TEX9: variants seen among roughly 807,000 people sequenced by gnomAD.
TEX9 encodes the protein testis-expressed protein 9.
TEX9 carries 74 observed loss-of-function variants against 59.6 expected under a neutral mutation model. The ratio of observed to expected loss-of-function variants is 1.24; its 90% confidence interval spans 1.03 to 1.51. The LOEUF (loss-of-function observed/expected upper bound fraction) is 1.51. TEX9 is among the 40% of genes most tolerant of loss of function. The pLI, the probability that TEX9 is intolerant of heterozygous loss-of-function variation, is 0.00. For missense variants in TEX9, 522 were observed against 447.8 expected (o/e 1.17, Z -1.49); for synonymous variants, 186 against 152.2 (o/e 1.22, Z -1.64).
intron 1 of TEX9, among the ~76,000 whole-genome samples, chr15:56,322,953 A>G (rs913437776): frequency 1.3e-5 from 2 of 152,052 alleles, no homozygotes; most frequent in Non-Finnish European, 2.9e-5. Flanking sequence ...GGAGGAGAAG[A>G]AGGAGGAGGA....
At chr15:56,415,591 C>T (rs138471261) in intron 10 of TEX9, among the ~76,000 whole-genome samples, 31 of 151,838 alleles carry the variant, frequency 2.0e-4, no homozygotes, top group Non-Finnish European at 4.0e-4. Flanking sequence ...GTCTATGTGC[C>T]TGTTTTTGTA....
intron 1 of TEX9, among the ~76,000 whole-genome samples, chr15:56,301,564 A>C (rs79593700): frequency 6.6e-6 from 1 of 152,096 alleles, no homozygotes; most frequent in African/African-American, 2.4e-5. Context: ...AATGAAGAAC[A>C]TAAAAAAGAG....
chr15:56,408,713 G>GATGT (rs1555444525), intron 9 of TEX9: 3 of 151,996 alleles, frequency 2.0e-5, no homozygotes, highest in African/African-American at 7.3e-5. Context: ...GAGTCATCTT[G>GATGT]ATCTGTTTTC....
At chr15:56,296,592 A>G (rs2045224074) in intron 1 of TEX9, among the ~76,000 whole-genome samples, 1 of 152,228 alleles carries the variant, frequency 6.6e-6, no homozygotes, top group Admixed American at 6.5e-5. Context: ...ATTGCTAGCC[A>G]AAGGTTTCAC....
intron 9 of TEX9, among the ~76,000 whole-genome samples, chr15:56,408,262 C>T (rs2049174202): frequency 6.6e-6 from 1 of 152,186 alleles, no homozygotes; most frequent in Non-Finnish European, 1.5e-5. Flanking sequence ...CACCAATAAT[C>T]CACACTGTAG....
upstream of TEX9, among the ~76,000 whole-genome samples, chr15:56,360,827 G>A (rs1342841366): frequency 6.6e-6 from 1 of 152,108 alleles, no homozygotes; most frequent in Non-Finnish European, 1.5e-5. Flanking sequence ...GATAATTAAG[G>A]ACAACCTTTA....
chr15:56,439,078 G>A lies in TEX9; in HGVS notation c.*30-6593G>A, dbSNP rs559294479. On this transcript the variant is annotated intron_variant, in intron 12 of 12. Transcript: ENST00000352903. ...GGAAAAAAAATCCTACAGCTAACAA[G>A]TGAATTCAGCAAGGTTGTGAGATAC... Among the ~76,000 whole-genome samples the A allele has an allele frequency of 5.9e-5, 9 of 152,208 alleles. No individual in the cohort carries two copies. In the South Asian group the frequency reaches 1.0e-3, roughly 18 times the overall value.
chr15:56,262,103 T>C (rs565902680), intron 1 of TEX9, among the ~76,000 whole-genome samples: 92 of 152,316 alleles, frequency 6.0e-4, no homozygotes, highest in Non-Finnish European at 4.4e-5. Flanking sequence ...GGGAAAACTA[T>C]GCATCCTGGA....
At chr15:56,296,654 C>G (rs1223219743) in intron 1 of TEX9, among the ~76,000 whole-genome samples, 1 of 152,094 alleles carries the variant, frequency 6.6e-6, no homozygotes, top group Non-Finnish European at 1.5e-5. Context: ...TTGGGAAAAG[C>G]AGAGTTTGAG....
upstream of TEX9, among the ~76,000 whole-genome samples, chr15:56,361,683 G>A (rs1329680705): frequency 6.6e-6 from 1 of 150,600 alleles, no homozygotes; most frequent in Non-Finnish European, 1.5e-5. Flanking sequence ...ACGTTAGGAT[G>A]AGGTCATTAG....
chr15:56,276,344 G>GA (rs1250613516), intron 1 of TEX9, among the ~76,000 whole-genome samples: 1 of 151,928 alleles, frequency 6.6e-6, no homozygotes, highest in East Asian at 1.9e-4. Context: ...CCCACACCTT[G>GA]ACAGGCCCTG....
chr15:56,316,427 G>C (rs1216618144), intron 1 of TEX9, among the ~76,000 whole-genome samples: 4 of 15,892 alleles, frequency 2.5e-4, no homozygotes, highest in South Asian at 9.1e-3. Flanking sequence ...GCGTCAGTGT[G>C]CCCCTGCTGG....
intron 1 of TEX9, among the ~76,000 whole-genome samples, chr15:56,289,361 G>C (rs1356189563): frequency 2.6e-5 from 4 of 152,062 alleles, no homozygotes; most frequent in African/African-American, 9.7e-5. Context: ...TTCAGACTCT[G>C]TAAGTTAGTT....
chr15:56,310,613 C>G (rs1255573092), intron 1 of TEX9, among the ~76,000 whole-genome samples: 1 of 152,138 alleles, frequency 6.6e-6, no homozygotes, highest in Admixed American at 6.5e-5. Flanking sequence ...ATCCCTGCAC[C>G]AGCTCTGCCA....
chr15:56,263,931 T>A (rs2044323537), intron 1 of TEX9, among the ~76,000 whole-genome samples: 1 of 152,234 alleles, frequency 6.6e-6, no homozygotes, highest in African/African-American at 2.4e-5. Context: ...CCAATTTGTC[T>A]ATCCATTCAC....
At chr15:56,264,126 A>G (rs941605295) in intron 1 of TEX9, among the ~76,000 whole-genome samples, 34 of 152,188 alleles carry the variant, frequency 2.2e-4, no homozygotes, top group African/African-American at 6.5e-4. Context: ...TGTGCCATGT[A>G]AGTATACATT....
intron 4 of TEX9, among the ~76,000 whole-genome samples, chr15:56,386,026 AC>A (rs1427355242): frequency 6.6e-6 from 1 of 152,130 alleles, no homozygotes; most frequent in Non-Finnish European, 1.5e-5. Context: ...ATTCATAATT[AC>A]CAAAACCTGG....
chr15:56,407,495 C>G (rs1445383880), intron 9 of TEX9, among the ~76,000 whole-genome samples: 1 of 152,084 alleles, frequency 6.6e-6, no homozygotes. Context: ...TAAATTTGTA[C>G]ATAATATTCT....
intron 1 of TEX9, among the ~76,000 whole-genome samples, chr15:56,267,753 A>G (rs552406141): frequency 2.6e-5 from 4 of 152,292 alleles, no homozygotes; most frequent in African/African-American, 7.2e-5. Flanking sequence ...GTTTGAAGTC[A>G]GGTAGCGTGA....
Sources: allele counts gnomAD v4.1 joint callset (sites outside exome capture counted in the v4.1 genomes callset), GRCh38; gene constraint gnomAD v4.1.1; transcripts MANE v1.5; gene names NCBI Gene and HGNC (gene_info 2026-07-23, HGNC 2026-07-21).